The following WBP2NL variants were observed in gnomAD, a reference collection of about 807,000 sequenced individuals.
WBP2NL encodes WBP2 N-terminal like.
WBP2NL carries 27 observed loss-of-function variants against 23.3 expected under a neutral mutation model. The observed-to-expected ratio is 1.16, with a 90% CI of 0.85 to 1.60. The LOEUF (loss-of-function observed/expected upper bound fraction) is 1.60. Ranked by LOEUF, WBP2NL falls within the 40% of genes most tolerant of loss-of-function variation. The pLI, the probability that WBP2NL is intolerant of heterozygous loss-of-function variation, is 0.00. For missense variants in WBP2NL, 370 were observed against 389.5 expected, an observed-to-expected ratio of 0.95 and a Z score of 0.42; for synonymous variants, 151 against 145.9, an observed-to-expected ratio of 1.03 and a Z score of -0.25.
Position 42,039,437 on chromosome 22 carries a change from C to G in WBP2NL, c.*273+8614C>G, listed in dbSNP as rs369842862. On this transcript the variant is annotated intron_variant and NMD_transcript_variant, in intron 8 of 8. Transcript: ENST00000436265. ...CAAACTCTAGAGCCCAAGCAATCCT[C>G]CTGGCTCAGCGTTCCAAAGTACTGT... Among the ~76,000 whole-genome samples, 32 of 151,920 alleles carry G rather than the reference C, an allele frequency of 2.1e-4. No homozygotes were observed. The East Asian group carries it at 4.9e-3, about 23-fold the overall frequency.
chr22:42,027,778 GAT>G lies in WBP2NL; in HGVS notation c.*599_*600del. ...AACTTCTCTATGACAGAAGTTAAAA[GAT>G]AGGCAACAGAATAGGAAAAAGTGAT... is the stretch of plus-strand genomic sequence containing the variant. On this transcript the variant is annotated 3_prime_UTR_variant, in exon 6 of 6. Transcript: ENST00000328823. 1 of 392,964 alleles carries G rather than the reference GAT, an allele frequency of 2.5e-6. No homozygotes were observed. The highest frequency in any genetic ancestry group is 4.5e-6 in the Non-Finnish European group (1 of 223,120). 24.3% of individuals were successfully genotyped at this position (392,964 alleles called of 1,614,324 possible).
intron 1 of WBP2NL, chr22:42,001,270 G>T: frequency 1.4e-6 from 1 of 690,272 alleles, no homozygotes; most frequent in South Asian, 1.6e-5. Flanking sequence ...AGCAAATGGT[G>T]TTAAATGAAT....
In WBP2NL at chr22:42,042,282, C is replaced by T. The variant is rs1385500772; in HGVS notation, c.*273+11459C>T. The stretch of plus-strand genomic sequence containing the variant: ...TTTCTCACTCTTCTTCATCTCATAA[C>T]CCCATAATGTGTATATTAGTTCACT... On this transcript the variant is annotated intron_variant and NMD_transcript_variant, in intron 8 of 8. Transcript: ENST00000436265. Among the ~76,000 whole-genome samples, 5 of 152,164 alleles carry T rather than the reference C, an allele frequency of 3.3e-5. No individual in the cohort carries two copies. The South Asian group carries it at 6.2e-4, about 19-fold the overall frequency.
In WBP2NL at chr22:42,019,383, T is replaced by A. The variant is rs1397040836; in HGVS notation, c.135T>A (p.Gly45=). Residue 45 remains glycine, a synonymous_variant, in exon 2 of 6, where the codon GGT becomes GGA. Transcript: ENST00000328823. ...CAGAAGGCTCAAATGTCTTTAGTGG[T>A]AGAAAGACAGGAACATTGTTTCTCA... is the stretch of plus-strand genomic sequence containing the variant. The part of the protein sequence containing the change: ...QRSEGSNVFS[G]RKTGTLFLTS... The A allele has an allele frequency of 1.2e-6, 2 of 1,614,112 alleles. No homozygotes were observed. Among genetic ancestry groups the A allele is most frequent in the Middle Eastern group, 1.6e-4 (1 of 6,084 alleles).
chr22:42,023,823 T>G (rs1306363846), intron 5 of WBP2NL, among the ~76,000 whole-genome samples: 11 of 152,154 alleles, frequency 7.2e-5, no homozygotes, highest in Non-Finnish European at 1.0e-4. Context: ...TAAAAAAATT[T>G]TGTAGATACA....
intron 8 of WBP2NL, among the ~76,000 whole-genome samples, chr22:42,046,807 A>C (rs143717390): frequency 0.012 from 1,883 of 152,312 alleles, 38 homozygotes; most frequent in African/African-American, 0.043. Flanking sequence ...GATGCTGAGC[A>C]TGTTCTGCAC....
chr22:42,042,039 C>G lies in WBP2NL; in HGVS notation c.*273+11216C>G, dbSNP rs538896533. On this transcript the variant is annotated intron_variant and NMD_transcript_variant, in intron 8 of 8. Transcript: ENST00000436265. ...TACAAAATTTTTGTGGAGAAATCTG[C>G]TGATAGTCTCATAGGGATTCCCTTG... Among the ~76,000 whole-genome samples, 18 of 152,326 alleles carry G rather than the reference C, an allele frequency of 1.2e-4. No individual in the cohort carries two copies. The South Asian group carries it at 3.7e-3, about 32-fold the overall frequency.
intron 8 of WBP2NL, among the ~76,000 whole-genome samples, chr22:42,056,261 A>C (rs1217632861): frequency 7.2e-6 from 1 of 138,014 alleles, no homozygotes; most frequent in African/African-American, 2.6e-5. Context: ...ATACTAATTC[A>C]TGCCACTTGT....
intron 3 of WBP2NL, 56 bp from the exon 4 acceptor site, chr22:42,019,948 T>C: frequency 6.3e-7 from 1 of 1,599,888 alleles, no homozygotes; most frequent in Non-Finnish European, 8.5e-7. Flanking sequence ...TGTGGCAGTC[T>C]TTCTGTTGTC....
intron 1 of WBP2NL, among the ~76,000 whole-genome samples, chr22:42,016,039 T>C (rs1466433291): frequency 6.6e-6 from 1 of 151,910 alleles, no homozygotes; most frequent in East Asian, 1.9e-4. Flanking sequence ...TGGAGTGCAA[T>C]GGGAAGATCT....
At chr22:42,017,586 G>A (rs1168322794) in intron 1 of WBP2NL, among the ~76,000 whole-genome samples, 1 of 152,116 alleles carries the variant, frequency 6.6e-6, no homozygotes, top group African/African-American at 2.4e-5. Flanking sequence ...ATTATGATCT[G>A]TATTCATGCT....
intron 4 of WBP2NL, among the ~76,000 whole-genome samples, chr22:42,020,799 G>A (rs999370012): frequency 2.2e-5 from 3 of 136,892 alleles, no homozygotes; most frequent in African/African-American, 8.3e-5. Flanking sequence ...TCTAATGGAT[G>A]TACCACAGAA....
intron 1 of WBP2NL, among the ~76,000 whole-genome samples, chr22:42,012,284 C>T (rs117111792): frequency 0.018 from 2,711 of 151,450 alleles, 53 homozygotes; most frequent in Non-Finnish European, 0.031. Flanking sequence ...TCTTTAGTTC[C>T]TTGAGGCATA....
intron 5 of WBP2NL, 127 bp downstream of exon 5, chr22:42,022,483 A>G: frequency 1.2e-6 from 1 of 817,446 alleles, no homozygotes; most frequent in Non-Finnish European, 1.9e-6. Flanking sequence ...GAAAATGGTC[A>G]CATCTGTGAC....
downstream of WBP2NL, among the ~76,000 whole-genome samples, chr22:42,035,450 T>C (rs73418968): frequency 0.1 from 15,244 of 152,276 alleles, 2,605 homozygotes; most frequent in African/African-American, 0.35. Context: ...CAGGAAGCTC[T>C]CACCCCAACT....
At chr22:42,057,784 T>C (rs1235099968) in intron 8 of WBP2NL, among the ~76,000 whole-genome samples, 1 of 145,884 alleles carries the variant, frequency 6.9e-6, no homozygotes, top group Non-Finnish European at 1.5e-5. Context: ...ATTAGATTAT[T>C]TTAAAATTAT....
intron 8 of WBP2NL, among the ~76,000 whole-genome samples, chr22:42,044,717 A>T (rs1249038409): frequency 6.6e-6 from 1 of 152,128 alleles, no homozygotes; most frequent in East Asian, 1.9e-4. Flanking sequence ...AGGCAGGAAG[A>T]TTGCTTGAAC....
At chr22:42,009,108 G>T (rs1922574838) in intron 1 of WBP2NL, among the ~76,000 whole-genome samples, 1 of 152,106 alleles carries the variant, frequency 6.6e-6, no homozygotes, top group African/African-American at 2.4e-5. Context: ...TAGAGACAGG[G>T]TTTCACCATG....
At chr22:42,057,600 T>C (rs1281668310) in intron 8 of WBP2NL, among the ~76,000 whole-genome samples, 4 of 151,446 alleles carry the variant, frequency 2.6e-5, no homozygotes, top group African/African-American at 9.7e-5. Context: ...AGCTTTTGGC[T>C]AATTTCCAGA....
Sources: allele counts gnomAD v4.1 joint callset (sites outside exome capture counted in the v4.1 genomes callset), GRCh38; gene constraint gnomAD v4.1.1; transcripts MANE v1.5; gene names NCBI Gene and HGNC (gene_info 2026-07-23, HGNC 2026-07-21).